The following ARHGAP15 variants were observed in gnomAD, a reference collection of about 807,000 sequenced individuals.
ARHGAP15 encodes the protein rho GTPase-activating protein 15.
In ARHGAP15, 51 loss-of-function variants were observed where a neutral mutation model predicts 63.7. The ratio of observed to expected loss-of-function variants is 0.80; its 90% CI spans 0.64 to 1.01. The LOEUF is 1.01. ARHGAP15 is among the 50% of genes least tolerant of loss of function. ARHGAP15 has a pLI of 0.00. For missense variants in ARHGAP15, 560 were observed against 564.6 expected (o/e 0.99, Z 0.08); for synonymous variants, 191 against 193.8 (o/e 0.99, Z 0.12).
chr2:143,707,225 G>T (rs1463707975), intron 13 of ARHGAP15, among the ~76,000 whole-genome samples: 1 of 152,118 alleles, frequency 6.6e-6, no homozygotes, highest in Non-Finnish European at 1.5e-5. Context: ...TGGAGTGATG[G>T]ACGTCAAAAG....
chr2:143,163,538 T>C (rs1234528820), intron 2 of ARHGAP15, among the ~76,000 whole-genome samples: 1 of 151,974 alleles, frequency 6.6e-6, no homozygotes. Context: ...AGCTGAAATA[T>C]CAAGATTGCC....
intron 8 of ARHGAP15, among the ~76,000 whole-genome samples, chr2:143,482,931 GTCATC>G (rs1692144277): frequency 6.6e-6 from 1 of 152,152 alleles, no homozygotes; most frequent in Admixed American, 6.5e-5. Context: ...AATTTGACTT[GTCATC>G]TGAGGACAAT....
At chr2:143,372,767 T>A (rs1392768744) in intron 6 of ARHGAP15, among the ~76,000 whole-genome samples, 2 of 152,158 alleles carry the variant, frequency 1.3e-5, no homozygotes, top group Admixed American at 6.5e-5. Context: ...GATTTCAGTG[T>A]TATGTCAGTT....
intron 11 of ARHGAP15, among the ~76,000 whole-genome samples, chr2:143,557,429 T>G (rs537800163): frequency 5.9e-5 from 9 of 151,870 alleles, no homozygotes; most frequent in Admixed American, 4.6e-4. Flanking sequence ...AAAGGAAAAC[T>G]AGAGAGAGTA....
chr2:143,728,892 G>A (rs1685407315), intron 13 of ARHGAP15, among the ~76,000 whole-genome samples: 1 of 152,154 alleles, frequency 6.6e-6, no homozygotes, highest in South Asian at 2.1e-4. Context: ...CCAAATGCTT[G>A]AAAAATCATT....
chr2:143,476,087 G>A (rs755404026), intron 8 of ARHGAP15, among the ~76,000 whole-genome samples: 43 of 152,026 alleles, frequency 2.8e-4, no homozygotes, highest in Admixed American at 1.2e-3. Context: ...AATTACCCTC[G>A]GAATTTAGGA....
chr2:143,625,669 C>T (rs1218728534), intron 12 of ARHGAP15, among the ~76,000 whole-genome samples: 1 of 152,294 alleles, frequency 6.6e-6, no homozygotes, highest in East Asian at 1.9e-4. Context: ...AACAAGCAGG[C>T]ATTTCCATAA....
intron 2 of ARHGAP15, among the ~76,000 whole-genome samples, chr2:143,159,889 T>C (rs911358619): frequency 6.6e-6 from 1 of 151,950 alleles, no homozygotes; most frequent in African/African-American, 2.4e-5. Context: ...ATTAGTTTCC[T>C]TCTGCATAAA....
At chr2:143,763,225 A>G (rs1323836799) in intron 13 of ARHGAP15, among the ~76,000 whole-genome samples, 2 of 152,192 alleles carry the variant, frequency 1.3e-5, no homozygotes, top group East Asian at 3.8e-4. Flanking sequence ...TTTGCAGGAT[A>G]GTATTCTAAC....
At position 143,433,080 on chromosome 2, in the gene ARHGAP15, T is replaced by G. The variant is rs1689459099; in HGVS notation, c.475-2521T>G. On this transcript the variant is annotated intron_variant, in intron 6 of 13. Transcript: ENST00000295095. ...CAAAAGATTTAGTCAGAGCTAACAT[T>G]CTTTACTGATGTCTTTTTTCCCCAA... Among the ~76,000 whole-genome samples the G allele has an allele frequency of 2.0e-5, 3 of 152,214 alleles. No individual in the cohort carries two copies. The South Asian group carries it at 6.2e-4, about 32-fold the overall frequency.
intron 13 of ARHGAP15, among the ~76,000 whole-genome samples, chr2:143,731,628 C>T (rs746906423): frequency 6.6e-6 from 1 of 152,190 alleles, no homozygotes; most frequent in East Asian, 1.9e-4. Context: ...GTCCTAACTG[C>T]AGAGACTTTT....
chr2:143,476,879 T>C (rs746941046), intron 8 of ARHGAP15, among the ~76,000 whole-genome samples: 8 of 152,212 alleles, frequency 5.3e-5, no homozygotes, highest in Admixed American at 1.3e-4. Context: ...TTGGGTGTTA[T>C]AATAAACAGA....
chr2:143,689,031 A>G (rs142629322), intron 12 of ARHGAP15, among the ~76,000 whole-genome samples: 107 of 152,118 alleles, frequency 7.0e-4, no homozygotes, highest in East Asian at 4.6e-3. Context: ...ATATTTTTCA[A>G]ATGTTCTGGT....
chr2:143,631,879 C>T (rs1004242310), intron 12 of ARHGAP15, among the ~76,000 whole-genome samples: 17 of 152,002 alleles, frequency 1.1e-4, no homozygotes, highest in Non-Finnish European at 2.1e-4. Context: ...CTATTTTCTT[C>T]AACATCTGTT....
chr2:143,339,728 C>G (rs1014831823), intron 6 of ARHGAP15, among the ~76,000 whole-genome samples: 1 of 152,156 alleles, frequency 6.6e-6, no homozygotes, highest in Non-Finnish European at 1.5e-5. Context: ...TGTCTACTGA[C>G]AATCTATGAC....
At chr2:143,340,558 CA>C (rs1239224838) in intron 6 of ARHGAP15, among the ~76,000 whole-genome samples, 1 of 147,074 alleles carries the variant, frequency 6.8e-6, no homozygotes, top group Non-Finnish European at 1.5e-5. Flanking sequence ...TAAAAGAAAA[CA>C]ATTACTTTTT....
chr2:143,323,387 G>T (rs757628077), intron 6 of ARHGAP15, among the ~76,000 whole-genome samples: 10 of 152,170 alleles, frequency 6.6e-5, no homozygotes, highest in Non-Finnish European at 5.9e-5. Context: ...GATGAAGCTG[G>T]ATATGTGCAT....
rs1322093207 is a variant in ARHGAP15, at chr2:143,153,855, C to T, written c.-14-1622C>T. On this transcript the variant is annotated intron_variant, in intron 1 of 13. Coordinates refer to ENST00000295095, the MANE Select transcript of ARHGAP15 (RefSeq NM_018460.4). Reference sequence around the variant, plus strand: ...CTTCTTCTTCTTCTTCCTCCTCCTCCTCCTCCTCCTCCTCCTCTTCCTCCT... The same window carrying T: ...CTTCTTCTTCTTCTTCCTCCTCCTCTTCCTCCTCCTCCTCCTCTTCCTCCT... 6.2e-4 allele frequency among the ~76,000 whole-genome samples: 48 copies of T among 76,980 alleles called. 3 individuals carry two copies. The highest frequency in any genetic ancestry group is 4.4e-3 in the South Asian group (8 of 1,804). 50.5% of individuals were successfully genotyped at this position (76,980 alleles called of 152,430 possible). A position where few individuals can be genotyped will look rare whatever the true frequency, so the allele number is the denominator to read the frequency against.
intron 6 of ARHGAP15, among the ~76,000 whole-genome samples, chr2:143,413,927 TTGTGTG>T (rs1553476588): frequency 1.7e-4 from 22 of 128,046 alleles, no homozygotes; most frequent in East Asian, 1.6e-3. Flanking sequence ...AGGTAGGTAG[TTGTGTG>T]TGTGTGTGTG....
Sources: allele counts gnomAD v4.1 joint callset (sites outside exome capture counted in the v4.1 genomes callset), GRCh38; gene constraint gnomAD v4.1.1; transcripts MANE v1.5; gene names NCBI Gene and HGNC (gene_info 2026-07-23, HGNC 2026-07-21).